KIF5A: variants seen among roughly 807,000 people sequenced by gnomAD.
KIF5A encodes the protein kinesin family member 5A.
In KIF5A, 35 loss-of-function variants were observed where a neutral mutation model predicts 141.3. That is an observed-to-expected ratio of 0.25 (90% CI 0.19 to 0.33). The LOEUF is 0.33. KIF5A is among the 10% of genes least tolerant of loss of function. The pLI, the probability that KIF5A is intolerant of heterozygous loss-of-function variation, is 1.00. For missense variants in KIF5A, 861 were observed against 1,314.3 expected (o/e 0.66, Z 5.33); for synonymous variants, 448 against 500.2 (o/e 0.90, Z 1.39).
chr12:57,552,619 C>T (rs1038524257), intron 1 of KIF5A, among the ~76,000 whole-genome samples: 1 of 152,152 alleles, frequency 6.6e-6, no homozygotes, highest in African/African-American at 2.4e-5. Flanking sequence ...ATGAGGGCTA[C>T]AGGAGACATG....
At chr12:57,561,250 G>A (rs1238963840) in intron 1 of KIF5A, among the ~76,000 whole-genome samples, 1 of 152,074 alleles carries the variant, frequency 6.6e-6, no homozygotes, top group Non-Finnish European at 1.5e-5. Context: ...ATGTTGCCCA[G>A]TCTGGTCTTA....
In KIF5A at chr12:57,576,396, C is replaced by T. The variant is rs371541373; in HGVS notation, c.2198+18C>T. The T allele has an allele frequency of 3.8e-6, 6 of 1,589,754 alleles. No homozygotes were observed. The highest frequency in any genetic ancestry group is 2.2e-5 in the East Asian group (1 of 44,736). Reference sequence around the variant, plus strand: ...CTCAAAGAGTAAGGGTTCCCAAGGGCGACTCCAGCCCCTCCCGGGTCCTGT... The same window carrying T: ...CTCAAAGAGTAAGGGTTCCCAAGGGTGACTCCAGCCCCTCCCGGGTCCTGT... On this transcript the variant is annotated intron_variant, in intron 19 of 28. Coordinates refer to ENST00000455537, the MANE Select transcript of KIF5A (RefSeq NM_004984.4).
chr12:57,583,241 C>A, intron 28 of KIF5A, 26 bp downstream of exon 28: 1 of 1,435,332 alleles, frequency 7.0e-7, no homozygotes. Flanking sequence ...TTCCTCGGAC[C>A]AGCCTCAGGT....
chr12:57,582,822 T>A, intron 27 of KIF5A, 193 bp downstream of exon 27: 1 of 647,218 alleles, frequency 1.5e-6, no homozygotes, highest in Non-Finnish European at 2.8e-6. Flanking sequence ...TCTCCCCTCC[T>A]CCAATCCCAT....
chr12:57,571,573 TC>T (rs1194370714), intron 13 of KIF5A, among the ~76,000 whole-genome samples, 184 bp downstream of exon 13: 4 of 151,724 alleles, frequency 2.6e-5, no homozygotes, highest in Non-Finnish European at 5.9e-5. Context: ...TTTTTTCTTT[TC>T]TTTTTTTTTT....
chr12:57,575,973 G>C, intron 17 of KIF5A, 114 bp from the exon 18 acceptor site: 5 of 1,062,420 alleles, frequency 4.7e-6, no homozygotes, highest in Non-Finnish European at 7.4e-6. Flanking sequence ...TCCTAACACA[G>C]AAGAACATCC....
chr12:57,583,457 A>G (rs1882669064), intron 28 of KIF5A, among the ~76,000 whole-genome samples: 1 of 152,132 alleles, frequency 6.6e-6, no homozygotes, highest in Non-Finnish European at 1.5e-5. Context: ...TAACCACAGT[A>G]CTGTCTTTTT....
At chr12:57,569,176 G>A (rs1882165010) in intron 9 of KIF5A, 80 bp from the exon 10 acceptor site, 2 of 1,583,166 alleles carry the variant, frequency 1.3e-6, no homozygotes, top group East Asian at 4.5e-5. Flanking sequence ...TCTGATCCCG[G>A]GGTGGCACCA....
At chr12:57,579,554 G>T (rs978933979) in intron 23 of KIF5A, among the ~76,000 whole-genome samples, 10 of 151,782 alleles carry the variant, frequency 6.6e-5, no homozygotes, top group African/African-American at 2.4e-4. Flanking sequence ...AATGTACAGA[G>T]TTTATTTATC....
At chr12:57,567,654 C>A in intron 8 of KIF5A, 36 bp downstream of exon 8, 1 of 1,553,198 alleles carries the variant, frequency 6.4e-7, no homozygotes, top group Non-Finnish European at 8.7e-7. Context: ...GGGTGGAAGC[C>A]TTGGCTCTTT....
chr12:57,559,416 G>A (rs1219305449), intron 1 of KIF5A, among the ~76,000 whole-genome samples: 1 of 152,002 alleles, frequency 6.6e-6, no homozygotes, highest in African/African-American at 2.4e-5. Context: ...TAAAAATGGT[G>A]TTTCATAGTT....
intron 6 of KIF5A, 102 bp downstream of exon 6, chr12:57,565,075 T>G: frequency 1.9e-6 from 2 of 1,028,838 alleles, no homozygotes; most frequent in South Asian, 1.3e-5. Context: ...GTGGATATCC[T>G]GGAGGAATGA....
At chr12:57,579,323 C>T (rs1190780942) in intron 23 of KIF5A, among the ~76,000 whole-genome samples, 3 of 152,118 alleles carry the variant, frequency 2.0e-5, no homozygotes, top group East Asian at 1.9e-4. Flanking sequence ...AAGACAGGCT[C>T]GGCAGGCTGT....
chr12:57,565,563 G>C (rs1397221628), intron 6 of KIF5A, among the ~76,000 whole-genome samples: 1 of 151,870 alleles, frequency 6.6e-6, no homozygotes, highest in Admixed American at 6.6e-5. Context: ...AGGATCACTT[G>C]AGGAGTTCAA....
chr12:57,578,971 G>C lies in KIF5A; in HGVS notation c.2538+629G>C, dbSNP rs147654893. On this transcript the variant is annotated intron_variant, in intron 23 of 28. Transcript: ENST00000455537. Reference sequence around the variant, plus strand: ...CCCAGCTACTTGGGAGGCTGAGGTAGGGCAATTGCTTGAGCGCAGGAAGTA... The same window carrying C: ...CCCAGCTACTTGGGAGGCTGAGGTACGGCAATTGCTTGAGCGCAGGAAGTA... Among the ~76,000 whole-genome samples, 812 of 152,212 alleles carry C rather than the reference G, an allele frequency of 5.3e-3. 8 individuals are homozygous for C. The highest frequency in any genetic ancestry group is 0.019 in the African/African-American group (778 of 41,520).
chr12:57,569,714 A>G (rs757411243), intron 11 of KIF5A, 31 bp downstream of exon 11: 2 of 1,610,944 alleles, frequency 1.2e-6, no homozygotes, highest in Non-Finnish European at 1.7e-6. Context: ...AGTGAGGGGC[A>G]GTGGGAAGAG....
chr12:57,565,782 G>A (rs1038446378), intron 6 of KIF5A, among the ~76,000 whole-genome samples: 3 of 148,876 alleles, frequency 2.0e-5, no homozygotes, highest in Admixed American at 2.0e-4. Flanking sequence ...GTGCCACCAC[G>A]CCTGGCTGAT....
At chr12:57,578,831 AGGCGGGC>A in intron 23 of KIF5A, among the ~76,000 whole-genome samples, 1 of 152,136 alleles carries the variant, frequency 6.6e-6, no homozygotes, top group East Asian at 1.9e-4. Flanking sequence ...CAGGAAGCCG[AGGCGGGC>A]GGATCACTTG....
rs2140150329 is a variant in KIF5A at position 57,550,477 on chromosome 12, C to T, written c.129+77C>T. Reference sequence around the variant, plus strand: ...CCCGCCCCCCGCAGAGCCTTAGTCTCTGCTGGTCCCTTTGCTCCCCCTCCC... The same window carrying T: ...CCCGCCCCCCGCAGAGCCTTAGTCTTTGCTGGTCCCTTTGCTCCCCCTCCC... On this transcript the variant is annotated intron_variant, in intron 1 of 28. Transcript: ENST00000455537. The surrounding 1 kb of genome is among the most constrained non-coding windows in gnomAD (Gnocchi z 4.6). The T allele has an allele frequency of 6.7e-7, 1 of 1,489,682 alleles. No homozygotes were observed. The highest frequency in any genetic ancestry group is 2.3e-5 in the East Asian group (1 of 43,558). The allele number at this position is 1,489,682 out of a possible 1,614,324, so 92.3% of individuals were successfully genotyped here. A position where few individuals can be genotyped will look rare whatever the true frequency, so the allele number is the denominator to read the frequency against.
Sources: gnomAD v4.1 joint callset for allele counts (sites outside exome capture counted in the v4.1 genomes callset) on GRCh38, gnomAD v4.1.1 for gene constraint, Gnocchi (gnomAD v3.1) non-coding constraint, MANE v1.5 for transcripts, NCBI Gene and HGNC (gene_info 2026-07-23, HGNC 2026-07-21) for gene names.